BCL2L14: variants seen among roughly 807,000 people sequenced by gnomAD.
BCL2L14 encodes the protein BCL2 like 14.
BCL2L14 carries 27 observed loss-of-function variants against 35.3 expected under a neutral mutation model. The ratio of observed to expected loss-of-function variants is 0.76; its 90% CI spans 0.56 to 1.05. The LOEUF is 1.05. BCL2L14 is among the 50% of genes least tolerant of loss of function. The pLI, the probability that BCL2L14 is intolerant of heterozygous loss-of-function variation, is 0.00. For missense variants in BCL2L14, 377 were observed against 382.6 expected (o/e 0.99, Z 0.12); for synonymous variants, 139 against 145.9 (o/e 0.95, Z 0.34).
At position 12,079,595 on chromosome 12, in the gene BCL2L14, T is replaced by A; in HGVS notation, c.290T>A (p.Phe97Tyr). The A allele has an allele frequency of 6.2e-7, 1 of 1,614,154 alleles. No individual in the cohort carries two copies. The highest frequency in any genetic ancestry group is 8.5e-7 in the Non-Finnish European group (1 of 1,180,030). The change falls in exon 2 of 6, where the codon TTT (phenylalanine) becomes TAT (tyrosine). Residue 97 changes from phenylalanine to tyrosine, a missense_variant. Transcript: ENST00000308721. The part of the protein sequence containing the change: ...GKKKSSWKAF[F>Y]GVVEKEDSQS... ...AAAAAGTCTTCTTGGAAAGCATTCT[T>A]TGGAGTAGTGGAGAAGGAAGATTCG...
At chr12:12,079,840 G>T in intron 2 of BCL2L14, 102 bp downstream of exon 2, 1 of 1,191,286 alleles carries the variant, frequency 8.4e-7, no homozygotes, top group Non-Finnish European at 1.2e-6. Flanking sequence ...CTTTAGAGAA[G>T]GCATGCGTTG....
Position 12,059,560 on chromosome 12 carries a change from A to T in BCL2L14, c.-272+7713A>T, listed in dbSNP as rs187809660. On this transcript the variant is annotated intron_variant, in intron 2 of 3. Transcript: ENST00000461264. ...CCCCATCCCTTATTTCCATGCCCCA[A>T]CCTCCTATCTCTGTGCCTGACCCCT... Among the ~76,000 whole-genome samples the T allele has an allele frequency of 1.5e-4, 23 of 149,544 alleles. No individual in the cohort carries two copies. The East Asian group carries it at 4.5e-3, about 30-fold the overall frequency.
At chr12:12,091,342 T>C (rs1345119573) in intron 4 of BCL2L14, among the ~76,000 whole-genome samples, 1 of 152,214 alleles carries the variant, frequency 6.6e-6, no homozygotes, top group African/African-American at 2.4e-5. Context: ...CTAGTGTTAC[T>C]GGGAGAATGT....
At position 12,077,553 on chromosome 12, in the gene BCL2L14, A is replaced by AG. The variant is rs1555090398; in HGVS notation, c.-7-1746_-7-1745insG. ...ACTGAGTCTCAAAAAAAAAAAAAAAAAGAGAGCCTGGGGCCTAGGACAACA... is the reference window on the plus strand; with the variant it reads ...ACTGAGTCTCAAAAAAAAAAAAAAAAGAGAGAGCCTGGGGCCTAGGACAACA... On this transcript the variant is annotated intron_variant, in intron 1 of 5. Transcript: ENST00000308721. 6.0e-3 allele frequency among the ~76,000 whole-genome samples: 906 copies of AG among 151,330 alleles called. 9 individuals are homozygous for AG. Among genetic ancestry groups the AG allele is most frequent in the African/African-American group, 0.02 (807 of 41,202 alleles).
At chr12:12,080,943 G>A (rs112313070) in intron 2 of BCL2L14, among the ~76,000 whole-genome samples, 8,223 of 152,190 alleles carry the variant, frequency 0.054, 336 homozygotes, top group East Asian at 0.12. Flanking sequence ...CAGCACTTTG[G>A]GAGGCCAAGG....
rs1258667224 is a variant in BCL2L14 at position 12,087,321 on chromosome 12, T to G, written c.542T>G (p.Phe181Cys). The G allele has an allele frequency of 1.2e-6, 2 of 1,614,104 alleles. No individual in the cohort carries two copies. Among genetic ancestry groups the G allele is most frequent in the African/African-American group, 2.7e-5 (2 of 74,932 alleles). Residue 181 changes from phenylalanine (F) to cysteine (C), a missense_variant, in exon 3 of 6, where the codon TTT becomes TGT. Phe to Cys is a radical substitution (Grantham distance 205). Coordinates refer to ENST00000308721, the MANE Select transcript of BCL2L14 (RefSeq NM_138723.2). ...QAGGFKSKEI[F>C]VTEGLSFQLQ... ...GGAGGCTTCAAGTCCAAAGAGATTT[T>G]TGTAACTGAGGGTCTCTCCTTCCAG...
At chr12:12,082,032 A>G (rs1948939404) in intron 2 of BCL2L14, among the ~76,000 whole-genome samples, 1 of 152,204 alleles carries the variant, frequency 6.6e-6, no homozygotes, top group South Asian at 2.1e-4. Flanking sequence ...ACTATGATCA[A>G]GGAAACTCCC....
Position 12,093,806 on chromosome 12 carries a change from AG to A in BCL2L14, c.679-857del, listed in dbSNP as rs1456636127. ...AGACTCCATCTCAGAAAAAAAAAAA[AG>A]AAAGAAAGAAAAGAAAAGAAAATGA... On this transcript the variant is annotated intron_variant, in intron 4 of 5. Coordinates refer to ENST00000308721, the MANE Select transcript of BCL2L14 (RefSeq NM_138723.2). Among the ~76,000 whole-genome samples, 884 of 125,828 alleles carry A rather than the reference AG, an allele frequency of 7.0e-3. 8 individuals carry two copies. Among genetic ancestry groups the A allele is most frequent in the African/African-American group, 0.022 (808 of 36,166 alleles). The allele number at this position is 125,828 out of a possible 152,430, so 82.5% of individuals were successfully genotyped here. A position where few individuals can be genotyped will look rare whatever the true frequency, so the allele number is the denominator to read the frequency against.
intron 4 of BCL2L14, among the ~76,000 whole-genome samples, chr12:12,093,639 A>G (rs1436507192): frequency 6.6e-6 from 1 of 151,948 alleles, no homozygotes; most frequent in Non-Finnish European, 1.5e-5. Context: ...CTAAAAATAC[A>G]AAAATTAGCC....
At chr12:12,081,665 T>G (rs772548962) in intron 2 of BCL2L14, among the ~76,000 whole-genome samples, 1 of 151,692 alleles carries the variant, frequency 6.6e-6, no homozygotes, top group Non-Finnish European at 1.5e-5. Context: ...TTCAAGCAAT[T>G]CTCCTGCCTC....
chr12:12,097,227 A>G (rs1242351669), intron 5 of BCL2L14, among the ~76,000 whole-genome samples: 1 of 152,264 alleles, frequency 6.6e-6, no homozygotes, highest in East Asian at 1.9e-4. Flanking sequence ...ACATATTTTC[A>G]TACAAAAATT....
At chr12:12,052,021 A>G (rs990274564) in intron 2 of BCL2L14, among the ~76,000 whole-genome samples, 2 of 152,226 alleles carry the variant, frequency 1.3e-5, no homozygotes, top group East Asian at 3.8e-4. Context: ...TGCAAAGAAA[A>G]TAGGACACGG....
rs185397387 is a variant in BCL2L14 at position 12,077,071 on chromosome 12, T to C, written c.-7-2228T>C. The stretch of plus-strand genomic sequence containing the variant: ...AACCCTGTCTGCAGTTACTGTCCCA[T>C]TTCTTTATCATTTGGTCCTGGTATG... On this transcript the variant is annotated intron_variant, in intron 1 of 5. Coordinates refer to ENST00000308721, the MANE Select transcript of BCL2L14 (RefSeq NM_138723.2). Among the ~76,000 whole-genome samples the C allele has an allele frequency of 3.9e-5, 6 of 152,314 alleles. No individual in the cohort carries two copies. The South Asian group carries it at 6.2e-4, about 16-fold the overall frequency.
intron 1 of BCL2L14, among the ~76,000 whole-genome samples, chr12:12,050,793 TAAAA>T (rs3052084): frequency 7.2e-4 from 64 of 88,290 alleles, no homozygotes; most frequent in Middle Eastern, 5.1e-3. Context: ...GCTGATGAGC[TAAAA>T]AAAAAAAAAA....
intron 2 of BCL2L14, among the ~76,000 whole-genome samples, chr12:12,084,215 T>C (rs1201478754): frequency 6.6e-6 from 1 of 152,178 alleles, no homozygotes; most frequent in Non-Finnish European, 1.5e-5. Context: ...CGCCTTGGCC[T>C]CCCAAAATGC....
At chr12:12,095,053 T>G in intron 5 of BCL2L14, 123 bp downstream of exon 5, 1 of 1,455,602 alleles carries the variant, frequency 6.9e-7, no homozygotes, top group East Asian at 2.5e-5. Context: ...TTAGGACACT[T>G]GAGTGGCCAG....
chr12:12,079,595 T>C lies in BCL2L14; in HGVS notation c.290T>C (p.Phe97Ser). The change falls in exon 2 of 6, where the codon TTT becomes TCT. Residue 97 changes from phenylalanine to serine, a missense_variant. Physicochemically the swap from Phe to Ser is radical, Grantham distance 155. Transcript: ENST00000308721. ...GKKKSSWKAF[F>S]GVVEKEDSQS... ...AAAAAGTCTTCTTGGAAAGCATTCT[T>C]TGGAGTAGTGGAGAAGGAAGATTCG... 6.2e-7 allele frequency: 1 copy of C among 1,614,154 alleles called. No homozygotes were observed.
At chr12:12,075,112 T>C (rs1372512646) in intron 1 of BCL2L14, among the ~76,000 whole-genome samples, 3 of 152,098 alleles carry the variant, frequency 2.0e-5, no homozygotes, top group African/African-American at 7.2e-5. Context: ...ATGTTTCTTT[T>C]TTTTCTTTTT....
At chr12:12,069,433 C>G (rs993985507), upstream of BCL2L14, among the ~76,000 whole-genome samples, 23 of 152,054 alleles carry the variant, frequency 1.5e-4, no homozygotes, top group Non-Finnish European at 1.8e-4. Context: ...GGCGCGGTGG[C>G]TCACGCCTGT....
Sources: gnomAD v4.1 joint callset for allele counts (sites outside exome capture counted in the v4.1 genomes callset) on GRCh38, gnomAD v4.1.1 for gene constraint, MANE v1.5 for transcripts, NCBI Gene and HGNC (gene_info 2026-07-23, HGNC 2026-07-21) for gene names.